The following GAB4 variants were observed in gnomAD, a reference collection of about 807,000 sequenced individuals.
The protein encoded by GAB4 is GRB2-associated-binding protein 4.
In GAB4, 26 loss-of-function variants were observed where a neutral mutation model predicts 51.3. The ratio of observed to expected loss-of-function variants is 0.51; its 90% confidence interval spans 0.37 to 0.70. The LOEUF is 0.70. GAB4 is among the 30% of genes least tolerant of loss of function. GAB4 has a pLI of 0.00. For missense variants in GAB4, 759 were observed against 734.6 expected (o/e 1.03, Z -0.38); for synonymous variants, 329 against 291.2 (o/e 1.13, Z -1.32).
intron 2 of GAB4, among the ~76,000 whole-genome samples, chr22:16,989,379 C>T (rs1394643215): frequency 6.6e-6 from 1 of 152,224 alleles, no homozygotes; most frequent in Non-Finnish European, 1.5e-5. Context: ...CTGGCTGTGC[C>T]ACCTCATGGC....
intron 3 of GAB4, among the ~76,000 whole-genome samples, chr22:16,977,348 CAA>C (rs201592274): frequency 2.0e-4 from 23 of 112,234 alleles, no homozygotes; most frequent in Admixed American, 1.7e-4. Context: ...AAATGGAAAG[CAA>C]AAAAAAAAAA....
At chr22:16,991,534 A>T (rs1310013904) in intron 2 of GAB4, among the ~76,000 whole-genome samples, 2 of 152,176 alleles carry the variant, frequency 1.3e-5, no homozygotes, top group African/African-American at 4.8e-5. Context: ...AAGCAACCCC[A>T]AACAAACCCA....
chr22:17,002,792 A>G (rs899919802), intron 1 of GAB4, among the ~76,000 whole-genome samples: 5 of 152,202 alleles, frequency 3.3e-5, no homozygotes, highest in African/African-American at 1.2e-4. Context: ...AGACCTGTAC[A>G]TTGTGCACAC....
At chr22:16,963,553 AG>A (rs1452595755) in intron 9 of GAB4, among the ~76,000 whole-genome samples, 171 bp downstream of exon 9, 1 of 152,104 alleles carries the variant, frequency 6.6e-6, no homozygotes, top group Non-Finnish European at 1.5e-5. Flanking sequence ...CTGAGAGGGA[AG>A]GAACAGGAGC....
intron 1 of GAB4, among the ~76,000 whole-genome samples, chr22:17,000,902 T>C (rs1425921495): frequency 6.6e-6 from 1 of 152,202 alleles, no homozygotes; most frequent in Non-Finnish European, 1.5e-5. Flanking sequence ...TTATGAAGCT[T>C]AGTTTGGCTG....
intron 3 of GAB4, among the ~76,000 whole-genome samples, chr22:16,987,540 T>C (rs2060877996): frequency 6.6e-6 from 1 of 152,274 alleles, no homozygotes; most frequent in South Asian, 2.1e-4. Flanking sequence ...TAGCCATGAC[T>C]GCAGCTACTG....
intron 1 of GAB4, among the ~76,000 whole-genome samples, chr22:17,004,038 T>C (rs1203885531): frequency 2.6e-5 from 4 of 152,140 alleles, no homozygotes; most frequent in South Asian, 2.1e-4. Flanking sequence ...GAGAATACTA[T>C]AAACACCTCT....
chr22:16,971,097 G>A (rs765018022), intron 3 of GAB4, among the ~76,000 whole-genome samples: 33 of 152,258 alleles, frequency 2.2e-4, no homozygotes, highest in African/African-American at 7.9e-4. Context: ...GGGAGGCTGA[G>A]GTGGGAGTAT....
At chr22:16,969,832 T>C in intron 4 of GAB4, 111 bp downstream of exon 4, 1 of 1,314,798 alleles carries the variant, frequency 7.6e-7, no homozygotes, top group Non-Finnish European at 1.1e-6. Context: ...GTGACTGTCC[T>C]AGGAATCTGG....
intron 1 of GAB4, among the ~76,000 whole-genome samples, chr22:17,004,885 G>A (rs1260776187): frequency 6.6e-6 from 1 of 152,180 alleles, no homozygotes; most frequent in African/African-American, 2.4e-5. Context: ...CAAACCCACA[G>A]CTAATATCAT....
intron 3 of GAB4, among the ~76,000 whole-genome samples, chr22:16,985,037 T>G (rs2060856512): frequency 6.6e-6 from 1 of 152,204 alleles, no homozygotes; most frequent in Admixed American, 6.5e-5. Flanking sequence ...TCCTTTCATT[T>G]ACCTCCCAGG....
chr22:16,983,786 C>T (rs2060844994), intron 3 of GAB4, among the ~76,000 whole-genome samples: 1 of 152,166 alleles, frequency 6.6e-6, no homozygotes, highest in Non-Finnish European at 1.5e-5. Flanking sequence ...ATCTCTCACC[C>T]TATACAAAAA....
At position 17,007,835 on chromosome 22, in the gene GAB4, C is replaced by G. The variant is rs909660308; in HGVS notation, c.174+106G>C. ...GCATGCAGACGTGGAGAAGTCGCCT[C>G]CACCCGCAGCTCCTCCCGTGGACCC... is the stretch of plus-strand genomic sequence containing the variant. On this transcript the variant is annotated intron_variant, in intron 1 of 9. Coordinates refer to ENST00000400588, the MANE Select transcript of GAB4 (RefSeq NM_001037814.1). 49 of 1,065,086 alleles carry G rather than the reference C, an allele frequency of 4.6e-5. 1 individual carries two copies. The highest frequency in any genetic ancestry group is 6.0e-5 in the Non-Finnish European group (45 of 750,398). 66.0% of individuals were successfully genotyped at this position (1,065,086 alleles called of 1,614,324 possible). A position where few individuals can be genotyped will look rare whatever the true frequency, so the allele number is the denominator to read the frequency against.
At chr22:16,998,708 A>C (rs925881163) in intron 1 of GAB4, among the ~76,000 whole-genome samples, 1 of 152,246 alleles carries the variant, frequency 6.6e-6, no homozygotes, top group Non-Finnish European at 1.5e-5. Context: ...GAGAGAGGGC[A>C]TCCCTGTCTT....
At chr22:16,985,441 C>A (rs1296581578) in intron 3 of GAB4, among the ~76,000 whole-genome samples, 1 of 152,224 alleles carries the variant, frequency 6.6e-6, no homozygotes, top group Non-Finnish European at 1.5e-5. Flanking sequence ...TTTCAAGAGT[C>A]AAATCTGTTC....
chr22:16,975,917 T>G (rs192779372), intron 3 of GAB4, among the ~76,000 whole-genome samples: 57 of 151,954 alleles, frequency 3.8e-4, no homozygotes, highest in African/African-American at 1.4e-3. Context: ...CAAACTCCAG[T>G]AGAGCTGCAG....
intron 6 of GAB4, 58 bp downstream of exon 6, chr22:16,966,042 C>T: frequency 6.5e-7 from 1 of 1,529,300 alleles, no homozygotes; most frequent in Non-Finnish European, 9.0e-7. Flanking sequence ...CCACCTGACA[C>T]CTAAGCGAAT....
At position 16,966,347 on chromosome 22, in the gene GAB4, C is replaced by G. The variant is rs115898475; in HGVS notation, c.1041G>C (p.Val347=). The G allele has an allele frequency of 1.0e-3, 1,649 of 1,611,966 alleles. 11 individuals carry two copies. The African/African-American group carries it at 0.02, about 20-fold the overall frequency. The change falls in exon 6 of 10, where the codon GTG becomes GTC. Residue 347 remains valine, a synonymous_variant. Transcript: ENST00000400588. The stretch of plus-strand genomic sequence containing the variant: ...CAGAAGCAATGCTGTCTGACAGGCC[C>G]ACAAGCGTTCTTCCTGGCTAGGAAG... ...VCSFLPGRTL[V]GLSDSIASEG...
At chr22:16,963,494 G>A (rs548273904) in intron 9 of GAB4, among the ~76,000 whole-genome samples, 1 of 152,264 alleles carries the variant, frequency 6.6e-6, no homozygotes, top group Admixed American at 6.5e-5. Context: ...TCTCCACACA[G>A]TCATCTGTCT....
Sources: allele counts gnomAD v4.1 joint callset (sites outside exome capture counted in the v4.1 genomes callset), GRCh38; gene constraint gnomAD v4.1.1; transcripts MANE v1.5; gene names NCBI Gene and HGNC (gene_info 2026-07-23, HGNC 2026-07-21).